Variants in GBF1 observed in about 807,000 individuals in gnomAD.
GBF1 encodes Golgi-specific brefeldin A-resistance guanine nucleotide exchange factor 1.
A neutral mutation model predicts 210.5 loss-of-function variants in GBF1; 114 were observed. That is an observed-to-expected ratio of 0.54 (90% CI 0.47 to 0.63). The LOEUF (loss-of-function observed/expected upper bound fraction) is 0.63, where lower values mean the gene tolerates loss of function less well. Among genes scored for constraint, GBF1 ranks in the 30% least tolerant of loss-of-function variants. The probability of loss-of-function intolerance (pLI) is 0.00; values close to 1 mark genes in which losing one functional copy is unlikely to be tolerated. For missense variants in GBF1, 1,851 were observed against 2,357.7 expected (o/e 0.79, Z 4.45); for synonymous variants, 850 against 889.2 (o/e 0.96, Z 0.78).
chr10:102,265,328 A>AG (rs2073745863), intron 3 of GBF1, among the ~76,000 whole-genome samples: 3 of 152,176 alleles, frequency 2.0e-5, no homozygotes, highest in Admixed American at 2.0e-4. Context: ...AGATCATTAC[A>AG]AAGAGATTCT....
chr10:102,264,895 C>T (rs1383100416), intron 3 of GBF1, among the ~76,000 whole-genome samples: 2 of 152,232 alleles, frequency 1.3e-5, no homozygotes, highest in African/African-American at 4.8e-5. Context: ...CACTGCCTCT[C>T]TCTTACATCT....
At chr10:102,296,515 C>T (rs956307060) in intron 3 of GBF1, among the ~76,000 whole-genome samples, 3 of 151,568 alleles carry the variant, frequency 2.0e-5, no homozygotes, top group East Asian at 3.9e-4. Context: ...GAGGCCAAGG[C>T]GGGTAGATCA....
chr10:102,317,075 CTG>C (rs1211651156), intron 3 of GBF1, among the ~76,000 whole-genome samples: 1 of 152,120 alleles, frequency 6.6e-6, no homozygotes, highest in Non-Finnish European at 1.5e-5. Context: ...TCTTCAGACT[CTG>C]TGATTTAGGC....
intron 13 of GBF1, among the ~76,000 whole-genome samples, chr10:102,361,345 T>C (rs78854402): frequency 0.01 from 1,551 of 152,292 alleles, 22 homozygotes; most frequent in African/African-American, 0.036. Context: ...AACTGCCAGG[T>C]AACCTTACCA....
chr10:102,281,241 C>A (rs1246469210), intron 3 of GBF1, among the ~76,000 whole-genome samples: 1 of 152,076 alleles, frequency 6.6e-6, no homozygotes, highest in East Asian at 1.9e-4. Flanking sequence ...AAAATAATTA[C>A]GTAAAGAAAA....
chr10:102,303,005 G>A (rs879709319), intron 3 of GBF1, among the ~76,000 whole-genome samples: 262 of 44,446 alleles, frequency 5.9e-3, no homozygotes, highest in African/African-American at 0.022. Flanking sequence ...TTTTTTTTTT[G>A]GAGACAGAGT....
In GBF1 at chr10:102,276,965, T is replaced by TACACACAC. The variant is rs112061268; in HGVS notation, c.163+16869_163+16876dup. 8.7e-5 allele frequency among the ~76,000 whole-genome samples: 13 copies of TACACACAC among 148,734 alleles called. No individual in the cohort carries two copies. The East Asian group carries it at 1.2e-3, about 14-fold the overall frequency. ...GTCTCCCATATGTCCTTTTGCTACT[T>TACACACAC]ACACACACACACACACACACACACA... On this transcript the variant is annotated intron_variant, in intron 3 of 39. Coordinates refer to ENST00000369983, the MANE Select transcript of GBF1 (RefSeq NM_001377137.1).
rs183541247 is a variant in GBF1 at position 102,378,135 on chromosome 10, G to A, written c.4494+995G>A. Among the ~76,000 whole-genome samples, 90 of 151,412 alleles carry A rather than the reference G, an allele frequency of 5.9e-4. No individual in the cohort carries two copies. In the East Asian group the frequency reaches 0.016, roughly 27 times the overall value. On this transcript the variant is annotated intron_variant, in intron 33 of 39. Transcript: ENST00000369983. ...CGGGAGGCTGAGACAGGAGAATGGC[G>A]TGAACCCGGGAGGCAGAGCTTGCAG...
At chr10:102,248,711 C>T (rs1367256050) in intron 1 of GBF1, among the ~76,000 whole-genome samples, 1 of 152,120 alleles carries the variant, frequency 6.6e-6, no homozygotes, top group Non-Finnish European at 1.5e-5. Flanking sequence ...TCACAGCTCA[C>T]TGCAGCCTTG....
intron 3 of GBF1, among the ~76,000 whole-genome samples, chr10:102,314,888 A>G (rs935350450): frequency 6.6e-5 from 10 of 152,164 alleles, no homozygotes; most frequent in Non-Finnish European, 1.5e-4. Context: ...GAAACCTCTC[A>G]TTAACATTTT....
At chr10:102,249,257 CAG>C (rs1224338634) in intron 1 of GBF1, among the ~76,000 whole-genome samples, 1 of 152,146 alleles carries the variant, frequency 6.6e-6, no homozygotes, top group African/African-American at 2.4e-5. Flanking sequence ...CCTACTCTGC[CAG>C]CTGTCACCTT....
chr10:102,379,993 C>T, intron 36 of GBF1, 39 bp downstream of exon 36: 1 of 1,362,190 alleles, frequency 7.3e-7, no homozygotes, highest in South Asian at 1.2e-5. Context: ...CTCTCCCATA[C>T]CTGCCTTTTC....
At chr10:102,321,219 A>T (rs2056359363) in intron 3 of GBF1, among the ~76,000 whole-genome samples, 1 of 152,176 alleles carries the variant, frequency 6.6e-6, no homozygotes, top group African/African-American at 2.4e-5. Flanking sequence ...CCCTTGCCTA[A>T]TGTCTTTCCC....
chr10:102,371,772 C>T (rs1020693062), intron 29 of GBF1, among the ~76,000 whole-genome samples: 20 of 151,902 alleles, frequency 1.3e-4, no homozygotes, highest in Admixed American at 1.2e-3. Context: ...CTACTAAAAA[C>T]ACAAAAATTA....
chr10:102,307,926 T>C (rs967721038), intron 3 of GBF1, among the ~76,000 whole-genome samples: 2 of 152,162 alleles, frequency 1.3e-5, no homozygotes, highest in Admixed American at 6.5e-5. Flanking sequence ...TCATTAGTCA[T>C]TAGGGAACTT....
chr10:102,307,802 C>CA (rs537499220), intron 3 of GBF1, among the ~76,000 whole-genome samples: 101 of 150,310 alleles, frequency 6.7e-4, no homozygotes, highest in African/African-American at 1.3e-3. Context: ...TCAAAAAAAA[C>CA]AAAAAAAACA....
the GBF1 span, chr10:102,232,086 G>A: frequency 1.9e-6 from 3 of 1,555,650 alleles, no homozygotes; most frequent in Non-Finnish European, 1.8e-6. Flanking sequence ...TCCATGGAGG[G>A]AGGGCTCTGG....
intron 4 of GBF1, among the ~76,000 whole-genome samples, chr10:102,348,010 C>T (rs1007972749): frequency 2.1e-4 from 32 of 152,122 alleles, no homozygotes; most frequent in African/African-American, 7.0e-4. Context: ...GATCTTGGCT[C>T]ACTGCAACCT....
intron 3 of GBF1, among the ~76,000 whole-genome samples, chr10:102,317,810 A>G (rs2055963407): frequency 2.0e-5 from 3 of 152,182 alleles, no homozygotes. Flanking sequence ...ATCATTACAC[A>G]TTAGAAAATA....
Sources: allele counts gnomAD v4.1 joint callset (sites outside exome capture counted in the v4.1 genomes callset), GRCh38; gene constraint gnomAD v4.1.1; transcripts MANE v1.5; gene names NCBI Gene and HGNC (gene_info 2026-07-23, HGNC 2026-07-21).